Variants in MYO1H observed in about 807,000 individuals in gnomAD.
MYO1H encodes unconventional myosin-Ih.
MYO1H carries 118 observed loss-of-function variants against 149.3 expected under a neutral mutation model. The ratio of observed to expected loss-of-function variants is 0.79; its 90% CI spans 0.68 to 0.92. The LOEUF is 0.92. Among genes scored for constraint, MYO1H ranks in the 40% least tolerant of loss-of-function variants. MYO1H has a pLI of 0.00. For synonymous variants in MYO1H, 447 were observed against 465.2 expected (o/e 0.96, Z 0.50); for missense variants, 1,212 against 1,280.7 (o/e 0.95, Z 0.82).
intron 1 of MYO1H, among the ~76,000 whole-genome samples, chr12:109,362,963 G>T (rs1374280365): frequency 6.6e-6 from 1 of 152,152 alleles, no homozygotes; most frequent in Non-Finnish European, 1.5e-5. Context: ...TAGATGCAGG[G>T]AGTGAAGTTG....
intron 1 of MYO1H, among the ~76,000 whole-genome samples, chr12:109,386,744 G>C (rs150310429): frequency 6.6e-6 from 1 of 152,048 alleles, no homozygotes; most frequent in South Asian, 2.1e-4. Context: ...AATTCTTTGC[G>C]TCTGTATAAT....
intron 25 of MYO1H, among the ~76,000 whole-genome samples, chr12:109,441,126 G>A (rs762806129): frequency 7.9e-5 from 12 of 152,200 alleles, no homozygotes; most frequent in African/African-American, 9.7e-5. Flanking sequence ...GTTTTTCACC[G>A]TGCTAACCTG....
intron 28 of MYO1H, 57 bp downstream of exon 28, chr12:109,443,706 C>A (rs781215471): frequency 6.3e-7 from 1 of 1,589,422 alleles, no homozygotes; most frequent in Non-Finnish European, 8.6e-7. Flanking sequence ...TACTGGAAAG[C>A]CCAGTAATGA....
At chr12:109,433,528 C>A (rs191099413) in intron 20 of MYO1H, among the ~76,000 whole-genome samples, 2 of 152,296 alleles carry the variant, frequency 1.3e-5, no homozygotes, top group Admixed American at 1.3e-4. Flanking sequence ...CCGTCTTGTG[C>A]GTCATTTTGG....
At chr12:109,438,450 T>C in intron 22 of MYO1H, 86 bp from the exon 23 acceptor site, 1 of 1,046,270 alleles carries the variant, frequency 9.6e-7, no homozygotes, top group South Asian at 1.4e-5. Context: ...CAGATGTTTG[T>C]TGAATGGACA....
At chr12:109,365,817 C>G (rs1445204867) in intron 1 of MYO1H, among the ~76,000 whole-genome samples, 1 of 152,092 alleles carries the variant, frequency 6.6e-6, no homozygotes, top group African/African-American at 2.4e-5. Flanking sequence ...CCAGGGGTAC[C>G]CAACCCCTGG....
At chr12:109,369,959 A>G (rs987717297) in intron 1 of MYO1H, among the ~76,000 whole-genome samples, 1 of 152,200 alleles carries the variant, frequency 6.6e-6, no homozygotes, top group Non-Finnish European at 1.5e-5. Context: ...ATGGCAGCAG[A>G]AAATAGAGAA....
chr12:109,338,832 A>G, the MYO1H span, among the ~76,000 whole-genome samples: 1 of 150,948 alleles, frequency 6.6e-6, no homozygotes, highest in South Asian at 2.1e-4. Context: ...CTTCACACCC[A>G]TCTTGTTAGT....
chr12:109,332,989 T>C, the MYO1H span, among the ~76,000 whole-genome samples: 1 of 152,134 alleles, frequency 6.6e-6, no homozygotes, highest in African/African-American at 2.4e-5. Flanking sequence ...TGACCGCAAT[T>C]CTATGAAGGT....
chr12:109,378,702 C>T (rs1392728156), intron 1 of MYO1H, among the ~76,000 whole-genome samples: 1 of 152,068 alleles, frequency 6.6e-6, no homozygotes, highest in Non-Finnish European at 1.5e-5. Context: ...CTGATATTTT[C>T]CCTGGTGAGG....
At chr12:109,404,280 C>T (rs1870284057) in intron 7 of MYO1H, among the ~76,000 whole-genome samples, 200 bp downstream of exon 7, 1 of 152,068 alleles carries the variant, frequency 6.6e-6, no homozygotes. Context: ...GAGTTTAAGA[C>T]CAGCCTGGCC....
chr12:109,440,509 C>A, intron 24 of MYO1H: 1 of 476,758 alleles, frequency 2.1e-6, no homozygotes, highest in Non-Finnish European at 3.8e-6. Flanking sequence ...CTCATTATAG[C>A]CAGTTCTGCA....
At chr12:109,418,229 C>CT (rs2135569719) in intron 15 of MYO1H, among the ~76,000 whole-genome samples, 2 of 151,494 alleles carry the variant, frequency 1.3e-5, no homozygotes, top group South Asian at 4.2e-4. Context: ...TATGAGTTGT[C>CT]TTTTCATTTT....
the MYO1H span, among the ~76,000 whole-genome samples, chr12:109,323,110 C>CA: frequency 6.6e-6 from 1 of 151,926 alleles, no homozygotes; most frequent in South Asian, 2.1e-4. Context: ...GTCTCAAAAA[C>CA]AAAAAACAAT....
chr12:109,333,256 G>A, the MYO1H span, among the ~76,000 whole-genome samples: 2 of 152,104 alleles, frequency 1.3e-5, no homozygotes, highest in Non-Finnish European at 2.9e-5. Flanking sequence ...GGAGGCAGAG[G>A]TTGCAGTGAG....
the MYO1H span, among the ~76,000 whole-genome samples, chr12:109,337,968 C>T: frequency 2.0e-5 from 3 of 152,048 alleles, no homozygotes; most frequent in Non-Finnish European, 4.4e-5. Flanking sequence ...AAAAGCTCCC[C>T]AGACTTCAGC....
rs1872451068 is a variant in MYO1H at position 109,445,702 on chromosome 12, GA to G, written c.3093+92del. 5.4e-6 allele frequency: 8 copies of G among 1,489,494 alleles called. No individual in the cohort carries two copies. In the South Asian group the frequency reaches 1.1e-4, roughly 21 times the overall value. 92.3% of individuals were successfully genotyped at this position (1,489,494 alleles called of 1,614,324 possible). On this transcript the variant is annotated intron_variant, in intron 31 of 31. Coordinates refer to ENST00000310903, the Ensembl canonical transcript of MYO1H. ...CAATTTCAGTCCTGTAGATTGACTG[GA>G]ATCATAAGCTATTAATAGTTCATTT...
chr12:109,355,541 G>T (rs1333853139), intron 1 of MYO1H, among the ~76,000 whole-genome samples: 1 of 152,094 alleles, frequency 6.6e-6, no homozygotes, highest in Non-Finnish European at 1.5e-5. Flanking sequence ...TACCTGTCGA[G>T]CATGCAGCTT....
At chr12:109,371,117 A>G (rs977011429) in intron 1 of MYO1H, among the ~76,000 whole-genome samples, 4 of 151,974 alleles carry the variant, frequency 2.6e-5, no homozygotes, top group Non-Finnish European at 5.9e-5. Flanking sequence ...AGAAGCAACT[A>G]CGGTTTTCAA....
Sources: allele counts gnomAD v4.1 joint callset (sites outside exome capture counted in the v4.1 genomes callset), GRCh38; gene constraint gnomAD v4.1.1; transcripts MANE v1.5; gene names NCBI Gene and HGNC (gene_info 2026-07-23, HGNC 2026-07-21).